The following BCHE variants were observed in gnomAD, a reference collection of about 807,000 sequenced individuals.
BCHE encodes the protein butyrylcholinesterase.
Under a neutral mutation model 51.3 loss-of-function variants are expected in BCHE, and 48 were observed. The observed-to-expected ratio is 0.94, with a 90% CI of 0.74 to 1.19. BCHE has a LOEUF of 1.19. Ranked by LOEUF, BCHE falls within the 50% of genes most tolerant of loss-of-function variation. The pLI is 0.00. For missense variants in BCHE, 847 were observed against 708.2 expected, an observed-to-expected ratio of 1.20 and a Z score of -2.23; for synonymous variants, 251 against 238.0, an observed-to-expected ratio of 1.05 and a Z score of -0.50.
rs565058386 is a variant in BCHE, at chr3:165,799,654, A to G, written c.1518-13343T>C. Among the ~76,000 whole-genome samples, 11 of 152,278 alleles carry G rather than the reference A, an allele frequency of 7.2e-5. No homozygotes were observed. The East Asian group carries it at 9.6e-4, about 13-fold the overall frequency. On this transcript the variant is annotated intron_variant, in intron 2 of 3. Coordinates refer to ENST00000264381, the MANE Select transcript of BCHE (RefSeq NM_000055.4). Reference sequence around the variant, plus strand: ...GTCAGTTTTGTTACCATAAACATATATACAGACTCGAGCCTAAATCATGCT... The same window carrying G: ...GTCAGTTTTGTTACCATAAACATATGTACAGACTCGAGCCTAAATCATGCT...
At chr3:165,789,740 C>A (rs1713097425) in intron 2 of BCHE, among the ~76,000 whole-genome samples, 1 of 151,816 alleles carries the variant, frequency 6.6e-6, no homozygotes, top group South Asian at 2.1e-4. Flanking sequence ...TTTATAGATT[C>A]CATTCCATGT....
intron 2 of BCHE, among the ~76,000 whole-genome samples, chr3:165,799,860 T>C (rs549500431): frequency 2.0e-5 from 3 of 152,226 alleles, no homozygotes; most frequent in Admixed American, 1.3e-4. Flanking sequence ...AATAAAGATA[T>C]GTGTGCTACC....
chr3:165,813,984 T>C (rs1714205912), intron 2 of BCHE, among the ~76,000 whole-genome samples: 2 of 152,022 alleles, frequency 1.3e-5, no homozygotes, highest in South Asian at 2.1e-4. Flanking sequence ...TTAGGATTTG[T>C]ACATCCCAGA....
At chr3:165,778,730 A>G (rs1354037567) in intron 3 of BCHE, 3 of 450,780 alleles carry the variant, frequency 6.7e-6, no homozygotes, top group African/African-American at 6.0e-5. Flanking sequence ...CAGTAGCAGC[A>G]TATAGGCTCT....
intron 2 of BCHE, among the ~76,000 whole-genome samples, chr3:165,808,402 C>G (rs1413371414): frequency 6.6e-6 from 1 of 151,126 alleles, no homozygotes; most frequent in Non-Finnish European, 1.5e-5. Context: ...AAATACATAC[C>G]TAATTTTTGC....
rs1714953798 is a variant in BCHE at position 165,830,965 on chromosome 3, A to G, written c.69T>C (p.Ile23=). 1.2e-6 allele frequency: 2 copies of G among 1,613,878 alleles called. No individual in the cohort carries two copies. The highest frequency in any genetic ancestry group is 8.5e-7 in the Non-Finnish European group (1 of 1,179,882). The change falls in exon 2 of 4, where the codon ATT becomes ATC. Residue 23 remains isoleucine, a synonymous_variant. Transcript: ENST00000264381. ...TGTCATCTTCAGTATGTGACTTCCC[A>G]ATAAGCATGCAGAGCAAAAGAAACC... ...LFWFLLLCML[I]GKSHTEDDII... is the part of the protein sequence containing the mutation.
At chr3:165,809,571 A>G (rs1714000620) in intron 2 of BCHE, among the ~76,000 whole-genome samples, 1 of 152,152 alleles carries the variant, frequency 6.6e-6, no homozygotes. Flanking sequence ...TCCTACATGT[A>G]TAACTTTTTA....
intron 2 of BCHE, among the ~76,000 whole-genome samples, chr3:165,795,276 T>C (rs1277422297): frequency 6.6e-6 from 1 of 152,194 alleles, no homozygotes; most frequent in Admixed American, 6.5e-5. Flanking sequence ...GGAGTCATTA[T>C]ATAGACGACT....
intron 2 of BCHE, among the ~76,000 whole-genome samples, chr3:165,796,654 C>T (rs1479890731): frequency 6.6e-6 from 1 of 152,098 alleles, no homozygotes; most frequent in African/African-American, 2.4e-5. Flanking sequence ...CAAGTGCCCA[C>T]TTAAAGCATA....
At chr3:165,786,338 G>A in intron 2 of BCHE, 27 bp from the exon 3 acceptor site, 1 of 1,573,310 alleles carries the variant, frequency 6.4e-7, no homozygotes, top group Non-Finnish European at 8.7e-7. Context: ...AGACATTATA[G>A]TAAAATTGAA....
chr3:165,784,799 A>G (rs1228134002), intron 3 of BCHE, among the ~76,000 whole-genome samples: 1 of 151,908 alleles, frequency 6.6e-6, no homozygotes, highest in Non-Finnish European at 1.5e-5. Context: ...CCCACTCATT[A>G]TATCTCAAAT....
chr3:165,807,594 C>A (rs1052679984), intron 2 of BCHE, among the ~76,000 whole-genome samples: 1 of 151,712 alleles, frequency 6.6e-6, no homozygotes, highest in South Asian at 2.1e-4. Context: ...TTCTGTCACC[C>A]AGGCTGGAGT....
chr3:165,832,484 G>T (rs1344648370), intron 1 of BCHE, among the ~76,000 whole-genome samples: 1 of 151,948 alleles, frequency 6.6e-6, no homozygotes, highest in Admixed American at 6.6e-5. Context: ...TAGAGATGGG[G>T]TTTTACCATG....
intron 2 of BCHE, among the ~76,000 whole-genome samples, chr3:165,807,464 T>A (rs534775295): frequency 1.3e-5 from 2 of 151,870 alleles, no homozygotes; most frequent in Non-Finnish European, 2.9e-5. Context: ...CATAGTACAC[T>A]CAGATATTTA....
At chr3:165,818,661 G>C (rs1714395184) in intron 2 of BCHE, among the ~76,000 whole-genome samples, 1 of 151,950 alleles carries the variant, frequency 6.6e-6, no homozygotes, top group East Asian at 1.9e-4. Context: ...TCTAGTAAAT[G>C]GAAACTACCA....
intron 1 of BCHE, among the ~76,000 whole-genome samples, chr3:165,831,665 A>G (rs1252184688): frequency 6.6e-6 from 1 of 152,202 alleles, no homozygotes; most frequent in Admixed American, 6.6e-5. Flanking sequence ...TAAGTAACAA[A>G]TATATGGTAG....
At chr3:165,790,313 T>G (rs552882551) in intron 2 of BCHE, among the ~76,000 whole-genome samples, 2 of 152,126 alleles carry the variant, frequency 1.3e-5, no homozygotes. Context: ...GCTTCTTAGA[T>G]TGGCAATACT....
chr3:165,831,338 A>G (rs1248018816), intron 1 of BCHE, among the ~76,000 whole-genome samples: 2 of 152,158 alleles, frequency 1.3e-5, no homozygotes, highest in Non-Finnish European at 2.9e-5. Context: ...TCCTAGCCAA[A>G]TTTAATGTTA....
intron 1 of BCHE, 75 bp downstream of exon 1, chr3:165,837,239 T>A: frequency 1.1e-6 from 1 of 950,928 alleles, no homozygotes; most frequent in Non-Finnish European, 1.5e-6. Context: ...CATGAAGAGA[T>A]CACTCTCATC....
Sources: allele counts gnomAD v4.1 joint callset (sites outside exome capture counted in the v4.1 genomes callset), GRCh38; gene constraint gnomAD v4.1.1; transcripts MANE v1.5; gene names NCBI Gene and HGNC (gene_info 2026-07-23, HGNC 2026-07-21).